Variants in TMEM232 observed in about 807,000 individuals in gnomAD.
TMEM232 encodes transmembrane protein 232.
In TMEM232, 80 loss-of-function variants were observed where a neutral mutation model predicts 78.8. The observed-to-expected ratio is 1.01, with a 90% CI of 0.85 to 1.22. The LOEUF is 1.22. TMEM232 is among the 50% of genes most tolerant of loss of function. TMEM232 has a pLI of 0.00. For synonymous variants in TMEM232, 297 were observed against 254.3 expected, an observed-to-expected ratio of 1.17 and a Z score of -1.60; for missense variants, 881 against 742.2, an observed-to-expected ratio of 1.19 and a Z score of -2.17.
chr5:110,562,629 G>A (rs1343465169), intron 11 of TMEM232, among the ~76,000 whole-genome samples: 1 of 151,930 alleles, frequency 6.6e-6, no homozygotes, highest in Non-Finnish European at 1.5e-5. Context: ...TCTATTTCTG[G>A]AGAACGTGCT....
In TMEM232 at chr5:110,714,456, A is replaced by T. The variant is rs556462139; in HGVS notation, c.-13+12171T>A. On this transcript the variant is annotated intron_variant, in intron 1 of 13. Coordinates refer to ENST00000455884, the MANE Select transcript of TMEM232 (RefSeq NM_001039763.4). The stretch of plus-strand genomic sequence containing the variant: ...AATAGAACTGTGCCTTGTATAGCCC[A>T]CTCGAGGACATATTCTCAGTTTGGG... Among the ~76,000 whole-genome samples the T allele has an allele frequency of 6.6e-5, 10 of 152,162 alleles. No individual in the cohort carries two copies. In the South Asian group the frequency reaches 2.1e-3, roughly 32 times the overall value.
intron 12 of TMEM232, among the ~76,000 whole-genome samples, chr5:110,502,250 T>C (rs1766347180): frequency 6.6e-6 from 1 of 152,148 alleles, no homozygotes. Context: ...CTCATGAGGC[T>C]AGTAATGGTT....
chr5:110,447,409 G>C (rs1362199412), intron 12 of TMEM232, among the ~76,000 whole-genome samples: 1 of 151,938 alleles, frequency 6.6e-6, no homozygotes, highest in Non-Finnish European at 1.5e-5. Flanking sequence ...TAGGGGCTTC[G>C]ACTAGTACAC....
At chr5:110,537,163 C>G (rs181071363) in intron 11 of TMEM232, among the ~76,000 whole-genome samples, 81 of 152,230 alleles carry the variant, frequency 5.3e-4, no homozygotes, top group African/African-American at 1.9e-3. Flanking sequence ...AACTCTTCAT[C>G]TATTCCACCT....
intron 12 of TMEM232, among the ~76,000 whole-genome samples, chr5:110,513,581 T>A (rs1239823407): frequency 2.0e-5 from 3 of 152,014 alleles, no homozygotes; most frequent in Non-Finnish European, 4.4e-5. Context: ...CAGACAAGTA[T>A]ACGAAAATGT....
chr5:110,605,429 A>G, intron 9 of TMEM232, 71 bp from the exon 10 acceptor site: 3 of 1,442,350 alleles, frequency 2.1e-6, no homozygotes, highest in Non-Finnish European at 2.8e-6. Context: ...CAGTGTACTT[A>G]TAATAATTGT....
chr5:110,643,158 A>C (rs895118663), intron 2 of TMEM232, among the ~76,000 whole-genome samples: 1 of 152,110 alleles, frequency 6.6e-6, no homozygotes, highest in Non-Finnish European at 1.5e-5. Context: ...TCGTGACTCA[A>C]CTGAGGAACT....
chr5:110,416,438 T>A (rs1340942827), downstream of TMEM232, among the ~76,000 whole-genome samples: 1 of 152,172 alleles, frequency 6.6e-6, no homozygotes, highest in Non-Finnish European at 1.5e-5. Flanking sequence ...AATTGAGATG[T>A]GAAGAAGAAT....
rs75520990 is a variant in TMEM232, at chr5:110,555,659, G to C, written c.1455+12788C>G. 2.7e-3 allele frequency among the ~76,000 whole-genome samples: 418 copies of C among 152,246 alleles called. 2 individuals carry two copies. The highest frequency in any genetic ancestry group is 9.8e-3 in the African/African-American group (408 of 41,566). On this transcript the variant is annotated intron_variant, in intron 11 of 13. Transcript: ENST00000455884. ...TCTTTTTGTAGGTCTTTAAGAACTT[G>C]TTTTATGAATCTGGGTGCAAGAGTG...
chr5:110,635,694 T>C (rs1046363474), intron 5 of TMEM232, among the ~76,000 whole-genome samples: 9 of 151,652 alleles, frequency 5.9e-5, no homozygotes, highest in African/African-American at 2.2e-4. Flanking sequence ...ATAAAGACCA[T>C]ATACCACAAT....
At chr5:110,553,513 T>G (rs547798017) in intron 11 of TMEM232, among the ~76,000 whole-genome samples, 1 of 152,318 alleles carries the variant, frequency 6.6e-6, no homozygotes, top group African/African-American at 2.4e-5. Context: ...CATCCTCATT[T>G]GTCTTTTAGC....
chr5:110,533,872 T>C (rs913660520), intron 11 of TMEM232, among the ~76,000 whole-genome samples: 1 of 152,162 alleles, frequency 6.6e-6, no homozygotes, highest in Admixed American at 6.5e-5. Context: ...GGCTATGCTA[T>C]AGTACAAGCC....
At position 110,605,146 on chromosome 5, in the gene TMEM232, A is replaced by G. The variant is rs1435084367; in HGVS notation, c.1239T>C (p.Ser413=). The G allele has an allele frequency of 6.5e-7, 1 of 1,547,878 alleles. No individual in the cohort carries two copies. Among genetic ancestry groups the G allele is most frequent in the African/African-American group, 1.4e-5 (1 of 72,786 alleles). Residue 413 remains serine (S), a synonymous_variant, in exon 10 of 14, where the codon AGT becomes AGC. Transcript: ENST00000455884. ...TTTTTGAAGAGAAATATTCCAAAAG[A>G]CTTAAAATACTTGTTTCCTTTAATT... ...PPELKETSIL[S]LLEYFSSKMS... is the part of the protein sequence containing the mutation.
At chr5:110,691,055 T>C (rs747142746) in intron 1 of TMEM232, among the ~76,000 whole-genome samples, 3 of 150,100 alleles carry the variant, frequency 2.0e-5, no homozygotes, top group Non-Finnish European at 1.5e-5. Context: ...CAAACCACCA[T>C]GGCATGTGTA....
intron 12 of TMEM232, among the ~76,000 whole-genome samples, chr5:110,517,395 G>A (rs1387400447): frequency 1.3e-5 from 2 of 152,168 alleles, no homozygotes; most frequent in African/African-American, 2.4e-5. Context: ...TTTCTTCAAT[G>A]CATAGCTTAG....
intron 5 of TMEM232, among the ~76,000 whole-genome samples, chr5:110,633,425 C>G (rs999160040): frequency 1.3e-5 from 2 of 152,058 alleles, no homozygotes; most frequent in African/African-American, 4.8e-5. Flanking sequence ...ACAAAACAAC[C>G]ATGATATGGT....
rs146985701 is a variant in TMEM232 at position 110,521,507 on chromosome 5, C to G, written c.1703+7081G>C. On this transcript the variant is annotated intron_variant, in intron 12 of 13. Coordinates refer to ENST00000455884, the MANE Select transcript of TMEM232 (RefSeq NM_001039763.4). ...TTTTTGTCACCCGGAGTTTTGGTGT[C>G]ATATTCAAGAAAACATTGTAAAGAT... is the stretch of plus-strand genomic sequence containing the variant. 3.2e-3 allele frequency among the ~76,000 whole-genome samples: 483 copies of G among 152,272 alleles called. 2 individuals carry two copies. Among genetic ancestry groups the G allele is most frequent in the African/African-American group, 0.011 (464 of 41,558 alleles).
intron 11 of TMEM232, among the ~76,000 whole-genome samples, chr5:110,532,976 A>G (rs1360241957): frequency 1.3e-5 from 2 of 152,182 alleles, no homozygotes; most frequent in Non-Finnish European, 1.5e-5. Context: ...TTAGTTCAGG[A>G]TCTGCGCCTT....
intron 10 of TMEM232, among the ~76,000 whole-genome samples, chr5:110,577,257 C>A (rs1388944050): frequency 6.6e-6 from 1 of 151,970 alleles, no homozygotes; most frequent in Non-Finnish European, 1.5e-5. Flanking sequence ...ATGTGGCTAA[C>A]AATCATATTT....
Sources: allele counts gnomAD v4.1 joint callset (sites outside exome capture counted in the v4.1 genomes callset), GRCh38; gene constraint gnomAD v4.1.1; transcripts MANE v1.5; gene names NCBI Gene and HGNC (gene_info 2026-07-23, HGNC 2026-07-21).